AFG2A: variants seen among roughly 807,000 people sequenced by gnomAD.
AFG2A encodes the protein ATPase family gene 2 protein homolog A.
At chr4:123,198,774 C>T in the AFG2A span, among the ~76,000 whole-genome samples, 1 of 152,094 alleles carries the variant, frequency 6.6e-6, no homozygotes, top group South Asian at 2.1e-4. Context: ...TAAAATTGAC[C>T]TGCAATGTAT....
the AFG2A span, among the ~76,000 whole-genome samples, chr4:122,989,961 A>T: frequency 1.3e-5 from 2 of 152,100 alleles, no homozygotes; most frequent in African/African-American, 4.8e-5. Flanking sequence ...AGTTTAGTTG[A>T]TCCTCCCACC....
At chr4:123,026,779 T>C in the AFG2A span, among the ~76,000 whole-genome samples, 1 of 152,184 alleles carries the variant, frequency 6.6e-6, no homozygotes, top group African/African-American at 2.4e-5. Context: ...AGAGAATGCA[T>C]CACTCAGACC....
the AFG2A span, among the ~76,000 whole-genome samples, chr4:123,228,643 T>G: frequency 1.3e-5 from 2 of 151,946 alleles, no homozygotes; most frequent in Non-Finnish European, 2.9e-5. Flanking sequence ...CATTTAATCC[T>G]TACAGCAACC....
the AFG2A span, among the ~76,000 whole-genome samples, chr4:123,111,432 G>A: frequency 4.7e-3 from 718 of 152,180 alleles, 4 homozygotes; most frequent in African/African-American, 0.016. Context: ...GAAGATATTG[G>A]CATTTCTGAT....
the AFG2A span, among the ~76,000 whole-genome samples, chr4:123,292,420 T>C: frequency 7.0e-4 from 106 of 152,342 alleles, no homozygotes; most frequent in African/African-American, 2.2e-3. Context: ...GTGAGATCTT[T>C]GGAGGGTGTT....
chr4:123,127,250 C>G, the AFG2A span, among the ~76,000 whole-genome samples: 7 of 152,118 alleles, frequency 4.6e-5, no homozygotes, highest in Non-Finnish European at 7.4e-5. Context: ...ATTTAAATCT[C>G]TTTAGTTTTC....
chr4:122,994,943 T>G, the AFG2A span, among the ~76,000 whole-genome samples: 1 of 152,120 alleles, frequency 6.6e-6, no homozygotes, highest in Non-Finnish European at 1.5e-5. Context: ...AATTTACTAC[T>G]ATATTTTCAC....
chr4:122,923,116 C>G, the AFG2A span: 14 of 1,612,662 alleles, frequency 8.7e-6, no homozygotes, highest in Non-Finnish European at 5.9e-6. Flanking sequence ...GGCTTTTCTA[C>G]TGCTTCGGCT....
the AFG2A span, among the ~76,000 whole-genome samples, chr4:123,174,116 C>T: frequency 6.6e-6 from 1 of 152,304 alleles, no homozygotes; most frequent in South Asian, 2.1e-4. Context: ...AAGCTATATA[C>T]TGTCAATAGT....
the AFG2A span, among the ~76,000 whole-genome samples, chr4:123,227,261 T>C: frequency 0.032 from 4,851 of 152,252 alleles, 281 homozygotes; most frequent in African/African-American, 0.11. Flanking sequence ...AGCTTTTGAA[T>C]GTGTTTGCTC....
chr4:123,281,641 G>T, the AFG2A span, among the ~76,000 whole-genome samples: 2 of 152,116 alleles, frequency 1.3e-5, no homozygotes, highest in Non-Finnish European at 2.9e-5. Context: ...GTAGAAGAAA[G>T]AAATTTAAAC....
chr4:123,034,844 A>G, the AFG2A span, among the ~76,000 whole-genome samples: 1 of 152,172 alleles, frequency 6.6e-6, no homozygotes, highest in Non-Finnish European at 1.5e-5. Flanking sequence ...AGATCTGGGC[A>G]TATTGTAGAT....
chr4:123,189,126 G>A, the AFG2A span, among the ~76,000 whole-genome samples: 1 of 152,166 alleles, frequency 6.6e-6, no homozygotes, highest in Non-Finnish European at 1.5e-5. Flanking sequence ...TATCTCGCAG[G>A]TTCATTATAA....
At chr4:123,224,724 C>T in the AFG2A span, among the ~76,000 whole-genome samples, 1 of 151,962 alleles carries the variant, frequency 6.6e-6, no homozygotes, top group South Asian at 2.1e-4. Flanking sequence ...GGGTATATAC[C>T]CAGTAATGGG....
the AFG2A span, among the ~76,000 whole-genome samples, chr4:123,020,096 T>G: frequency 1.3e-5 from 2 of 152,122 alleles, no homozygotes; most frequent in Non-Finnish European, 2.9e-5. Context: ...TAACTCCCCA[T>G]CTGCGTCATG....
the AFG2A span, among the ~76,000 whole-genome samples, chr4:123,169,580 G>A: frequency 2.4e-4 from 37 of 152,280 alleles, no homozygotes; most frequent in Non-Finnish European, 4.4e-4. Context: ...CGGGCTTCAA[G>A]CAGTTCTCTT....
chr4:123,200,391 G>A, the AFG2A span, among the ~76,000 whole-genome samples: 3 of 152,292 alleles, frequency 2.0e-5, no homozygotes, highest in Admixed American at 6.5e-5. Context: ...GGGAGCCCAA[G>A]CGAATTTTAT....
the AFG2A span, among the ~76,000 whole-genome samples, chr4:123,045,622 T>C: frequency 6.6e-6 from 1 of 152,196 alleles, no homozygotes; most frequent in Non-Finnish European, 1.5e-5. Flanking sequence ...AGGTTATTCT[T>C]AGAAAGGATG....
chr4:123,038,293 A>T, the AFG2A span, among the ~76,000 whole-genome samples: 1 of 152,188 alleles, frequency 6.6e-6, no homozygotes, highest in South Asian at 2.1e-4. Context: ...AGTAAAAGGG[A>T]TAAGACATAG....
Sources: gnomAD v4.1 joint callset for allele counts (sites outside exome capture counted in the v4.1 genomes callset) on GRCh38, gnomAD v4.1.1 for gene constraint, MANE v1.5 for transcripts, NCBI Gene and HGNC (gene_info 2026-07-23, HGNC 2026-07-21) for gene names.